DMGDH: variants seen among roughly 807,000 people sequenced by gnomAD.
DMGDH encodes the protein dimethylglycine dehydrogenase.
DMGDH carries 76 observed loss-of-function variants against 95.2 expected under a neutral mutation model. The ratio of observed to expected loss-of-function variants is 0.80; its 90% CI spans 0.66 to 0.97. The LOEUF (loss-of-function observed/expected upper bound fraction) is 0.97, where lower values mean the gene tolerates loss of function less well. DMGDH is among the 50% of genes least tolerant of loss of function. The pLI is 0.00. For missense variants in DMGDH, 987 were observed against 1,055.0 expected (o/e 0.94, Z 0.89); for synonymous variants, 345 against 377.6 (o/e 0.91, Z 1.00).
chr5:79,063,814 A>G (rs1164313899), intron 1 of DMGDH, 27 bp from the exon 2 acceptor site: 1 of 1,612,300 alleles, frequency 6.2e-7, no homozygotes, highest in African/African-American at 1.3e-5. Context: ...TAAAATGGGA[A>G]CTTCAATCGG....
At chr5:79,012,740 T>C (rs1753666529) in intron 14 of DMGDH, among the ~76,000 whole-genome samples, 1 of 152,356 alleles carries the variant, frequency 6.6e-6, no homozygotes, top group African/African-American at 2.4e-5. Flanking sequence ...GCTTGCACCC[T>C]CTGTAGCAGC....
intron 7 of DMGDH, among the ~76,000 whole-genome samples, chr5:79,035,948 T>C (rs1391850762): frequency 1.3e-5 from 2 of 152,222 alleles, no homozygotes; most frequent in Non-Finnish European, 2.9e-5. Flanking sequence ...AGTATCATCT[T>C]AGGAAAATAG....
intron 2 of DMGDH, among the ~76,000 whole-genome samples, chr5:79,061,220 AAC>A (rs34931005): frequency 0.15 from 20,737 of 141,118 alleles, 1,803 homozygotes; most frequent in Admixed American, 0.25. Flanking sequence ...CTCTGTCTCA[AAC>A]ACACACACAC....
chr5:79,005,204 A>G, intron 15 of DMGDH, 69 bp downstream of exon 15: 1 of 1,604,244 alleles, frequency 6.2e-7, no homozygotes. Context: ...TTAAGAGGAA[A>G]TAGGAACAAG....
intron 1 of DMGDH, among the ~76,000 whole-genome samples, chr5:79,069,106 G>T: frequency 6.6e-6 from 1 of 152,154 alleles, no homozygotes; most frequent in East Asian, 1.9e-4. Context: ...CGATAGTGTA[G>T]AATATTGACA....
In DMGDH at chr5:79,034,474, T is replaced by A. The variant is rs16876371; in HGVS notation, c.1194-1066A>T. Among the ~76,000 whole-genome samples, 151 of 152,310 alleles carry A rather than the reference T, an allele frequency of 9.9e-4. 1 individual carries two copies. Among genetic ancestry groups the A allele is most frequent in the African/African-American group, 3.6e-3 (148 of 41,572 alleles). On this transcript the variant is annotated intron_variant, in intron 7 of 15. Transcript: ENST00000255189. ...ATTGGCCATGTGTAGTTCTACCCAC[T>A]CAGTCTTGTCTAATGAAGGCCTCTA... is the stretch of plus-strand genomic sequence containing the variant.
intron 14 of DMGDH, among the ~76,000 whole-genome samples, chr5:79,007,769 C>T (rs1753576979): frequency 6.6e-6 from 1 of 152,160 alleles, no homozygotes; most frequent in Admixed American, 6.5e-5. Flanking sequence ...CTTGAAGGTT[C>T]TTAATCTTCC....
chr5:79,069,627 G>C lies in DMGDH; in HGVS notation c.-7C>G. On this transcript the variant is annotated 5_prime_UTR_variant, in exon 1 of 16. Coordinates refer to ENST00000255189, the MANE Select transcript of DMGDH (RefSeq NM_013391.3). ...GCGCGCCGGGACGGAGCATGACTAG[G>C]CCGAGGCCGAGGGCGCAGGCGCCTG... 1 of 1,362,856 alleles carries C rather than the reference G, an allele frequency of 7.3e-7. No homozygotes were observed. 84.4% of individuals were successfully genotyped at this position (1,362,856 alleles called of 1,614,324 possible).
At chr5:79,069,306 T>C (rs1269815326) in intron 1 of DMGDH, among the ~76,000 whole-genome samples, 1 of 152,226 alleles carries the variant, frequency 6.6e-6, no homozygotes, top group Non-Finnish European at 1.5e-5. Context: ...TATTAACAAT[T>C]GTTCACTGGC....
intron 7 of DMGDH, 39 bp from the exon 8 acceptor site, chr5:79,033,447 T>A: frequency 6.2e-7 from 1 of 1,610,578 alleles, no homozygotes; most frequent in Non-Finnish European, 8.5e-7. Flanking sequence ...TACTAACACA[T>A]GTAGTTTTCA....
intron 5 of DMGDH, among the ~76,000 whole-genome samples, chr5:79,048,486 G>C (rs1470022071): frequency 6.6e-6 from 1 of 152,086 alleles, no homozygotes; most frequent in African/African-American, 2.4e-5. Flanking sequence ...TTTCAGTGCT[G>C]GTCTGAGGGC....
intron 8 of DMGDH, among the ~76,000 whole-genome samples, 155 bp from the exon 9 acceptor site, chr5:79,032,995 G>C (rs1432480184): frequency 6.6e-6 from 1 of 152,066 alleles, no homozygotes; most frequent in Non-Finnish European, 1.5e-5. Context: ...AAACAGAGCT[G>C]TCATTTATAT....
intron 7 of DMGDH, among the ~76,000 whole-genome samples, chr5:79,034,884 C>T (rs1370560493): frequency 1.3e-4 from 19 of 151,444 alleles, no homozygotes; most frequent in African/African-American, 3.9e-4. Context: ...GGTGAAACCC[C>T]GTTTCTACTA....
intron 10 of DMGDH, among the ~76,000 whole-genome samples, chr5:79,030,302 A>G (rs542822254): frequency 1.3e-3 from 201 of 152,358 alleles, no homozygotes; most frequent in Non-Finnish European, 2.4e-3. Context: ...GAAACAATTA[A>G]GCAAAGTCAT....
At position 79,000,840 on chromosome 5, in the gene DMGDH, C is replaced by CAT. The variant is rs141441401; in HGVS notation, c.2386-2545_2386-2544dup. Reference sequence around the variant, plus strand: ...CTCACCGAACCAGATGGGGTGGCCACATATATATTTCCTCAGGCTATTCAA... The same window carrying CAT: ...CTCACCGAACCAGATGGGGTGGCCACATATATATATTTCCTCAGGCTATTCAA... On this transcript the variant is annotated intron_variant, in intron 15 of 15. Transcript: ENST00000255189. 2.7e-3 allele frequency: 1,743 copies of CAT among 636,008 alleles called. 17 individuals carry two copies. In the African/African-American group the frequency reaches 0.03, roughly 11 times the overall value. 39.4% of individuals were successfully genotyped at this position (636,008 alleles called of 1,614,324 possible). A position where few individuals can be genotyped will look rare whatever the true frequency, so the allele number is the denominator to read the frequency against.
In DMGDH at chr5:79,031,061, C is replaced by T. The variant is rs1021791256; in HGVS notation, c.1518-63G>A. Reference sequence around the variant, plus strand: ...TTCATTTTTCAAAAATTACAGAATACGATATTTTAATAAGCCCTACTCATC... The same window carrying T: ...TTCATTTTTCAAAAATTACAGAATATGATATTTTAATAAGCCCTACTCATC... On this transcript the variant is annotated intron_variant, in intron 9 of 15. Coordinates refer to ENST00000255189, the MANE Select transcript of DMGDH (RefSeq NM_013391.3). 4.4e-5 allele frequency: 69 copies of T among 1,577,790 alleles called. No individual in the cohort carries two copies. In the Middle Eastern group the frequency reaches 8.3e-4, roughly 19 times the overall value.
At chr5:79,068,868 C>T (rs75606239) in intron 1 of DMGDH, among the ~76,000 whole-genome samples, 10,709 of 152,272 alleles carry the variant, frequency 0.07, 507 homozygotes, top group Middle Eastern at 0.12. Context: ...GGGAAACAGA[C>T]ACACACTGGT....
chr5:79,028,086 C>T (rs1457445896), intron 12 of DMGDH, among the ~76,000 whole-genome samples: 4 of 151,996 alleles, frequency 2.6e-5, no homozygotes, highest in Admixed American at 1.3e-4. Flanking sequence ...GTGATCAGCC[C>T]GCCTCAGCCT....
At chr5:79,020,652 A>C in intron 14 of DMGDH, 8 of 968,212 alleles carry the variant, frequency 8.3e-6, no homozygotes, top group Non-Finnish European at 8.6e-6. Context: ...TCTAGAATCA[A>C]CATTGTCTTA....
Sources: gnomAD v4.1 joint callset for allele counts (sites outside exome capture counted in the v4.1 genomes callset) on GRCh38, gnomAD v4.1.1 for gene constraint, MANE v1.5 for transcripts, NCBI Gene and HGNC (gene_info 2026-07-23, HGNC 2026-07-21) for gene names.